Variants in CLASP1 observed in about 807,000 individuals in gnomAD.
CLASP1 encodes CLIP-associating protein 1.
CLASP1 carries 38 observed loss-of-function variants against 192.3 expected under a neutral mutation model. The observed-to-expected ratio is 0.20, with a 90% CI of 0.15 to 0.26. CLASP1 has a LOEUF of 0.26. CLASP1 is among the 10% of genes least tolerant of loss of function. The probability of loss-of-function intolerance (pLI) is 1.00; values close to 1 mark genes in which losing one functional copy is unlikely to be tolerated. For missense variants in CLASP1, 1,433 were observed against 1,932.5 expected (o/e 0.74, Z 4.85); for synonymous variants, 691 against 712.8 (o/e 0.97, Z 0.49).
At chr2:121,419,441 C>G (rs1159211475) in intron 22 of CLASP1, among the ~76,000 whole-genome samples, 1 of 152,224 alleles carries the variant, frequency 6.6e-6, no homozygotes, top group Admixed American at 6.5e-5. Flanking sequence ...CTGAAAAGAT[C>G]TGCCTGTGCT....
intron 28 of CLASP1, among the ~76,000 whole-genome samples, chr2:121,401,283 A>G (rs192071377): frequency 8.4e-4 from 128 of 152,362 alleles, no homozygotes; most frequent in Admixed American, 1.8e-3. Flanking sequence ...TTTATTATAT[A>G]TGTCTTAAAT....
At chr2:121,538,598 C>G in intron 2 of CLASP1, among the ~76,000 whole-genome samples, 1 of 151,618 alleles carries the variant, frequency 6.6e-6, no homozygotes, top group Non-Finnish European at 1.5e-5. Context: ...CCATCTTGAC[C>G]AAGATGGTGA....
chr2:121,624,474 T>C (rs2067950119), intron 1 of CLASP1, among the ~76,000 whole-genome samples: 1 of 152,170 alleles, frequency 6.6e-6, no homozygotes, highest in Admixed American at 6.5e-5. Flanking sequence ...CAGTGCACAT[T>C]TGCGTGATCT....
chr2:121,386,243 T>A (rs879795022), intron 32 of CLASP1, among the ~76,000 whole-genome samples: 1 of 152,222 alleles, frequency 6.6e-6, no homozygotes, highest in Middle Eastern at 3.2e-3. Flanking sequence ...AGCATACTTG[T>A]GGTATTTGCA....
intron 2 of CLASP1, among the ~76,000 whole-genome samples, chr2:121,556,534 C>T (rs1417294726): frequency 2.0e-5 from 3 of 152,196 alleles, no homozygotes; most frequent in Admixed American, 2.0e-4. Flanking sequence ...GCCTGCAATG[C>T]TCTTCCCCAA....
At chr2:121,456,914 A>T (rs186697551) in intron 14 of CLASP1, among the ~76,000 whole-genome samples, 1 of 152,352 alleles carries the variant, frequency 6.6e-6, no homozygotes, top group East Asian at 1.9e-4. Context: ...CTACTGGAAC[A>T]GCTTTAGTGG....
At chr2:121,518,505 C>G (rs953874706) in intron 6 of CLASP1, among the ~76,000 whole-genome samples, 1 of 152,106 alleles carries the variant, frequency 6.6e-6, no homozygotes, top group South Asian at 2.1e-4. Context: ...GCAGCCAGAG[C>G]TGACAAACAC....
rs940260896 is a variant in CLASP1 at position 121,408,938 on chromosome 2, A to AT, written c.2425-1224dup. 39 of 1,057,830 alleles carry AT rather than the reference A, an allele frequency of 3.7e-5. No homozygotes were observed. The Admixed American group carries it at 3.8e-4, about 10-fold the overall frequency. The allele number at this position is 1,057,830 out of a possible 1,614,324, so 65.5% of individuals were successfully genotyped here. The stretch of plus-strand genomic sequence containing the variant: ...TTTCAGACCAGAATTTCTATACTAC[A>AT]TTTTTTGGTTTTCACTAGCTTCTAA... On this transcript the variant is annotated intron_variant, in intron 24 of 39. Transcript: ENST00000263710.
chr2:121,499,062 C>A (rs1475127420), intron 8 of CLASP1, among the ~76,000 whole-genome samples: 1 of 152,198 alleles, frequency 6.6e-6, no homozygotes, highest in Non-Finnish European at 1.5e-5. Context: ...CCCAGCAATT[C>A]TACTGCAAGG....
At chr2:121,353,274 T>A (rs2064828584) in intron 37 of CLASP1, among the ~76,000 whole-genome samples, 2 of 152,080 alleles carry the variant, frequency 1.3e-5, no homozygotes, top group Non-Finnish European at 2.9e-5. Context: ...AGCTCCCAAG[T>A]TGCTGGGGAT....
At chr2:121,452,203 A>T (rs1004989797) in intron 14 of CLASP1, among the ~76,000 whole-genome samples, 3 of 152,210 alleles carry the variant, frequency 2.0e-5, no homozygotes, top group African/African-American at 4.8e-5. Flanking sequence ...TGCACAGAAG[A>T]TCAACAAACA....
At chr2:121,574,098 G>A (rs2060232872) in intron 2 of CLASP1, among the ~76,000 whole-genome samples, 1 of 152,138 alleles carries the variant, frequency 6.6e-6, no homozygotes, top group South Asian at 2.1e-4. Flanking sequence ...GATGGCCCGA[G>A]GCGGGCAGAT....
exon 30 of CLASP1, chr2:121,397,229 T>C: frequency 6.2e-7 from 1 of 1,613,898 alleles, no homozygotes. Flanking sequence ...ACAAAATCTG[T>C]TGGATCCATC....
At chr2:121,414,030 T>C (rs914551379) in intron 23 of CLASP1, among the ~76,000 whole-genome samples, 111 bp downstream of exon 24, 1 of 152,138 alleles carries the variant, frequency 6.6e-6, no homozygotes, top group Admixed American at 6.5e-5. Context: ...GGAAAAAATA[T>C]GAGGTGCAAA....
At chr2:121,465,656 A>T (rs2089408288) in intron 9 of CLASP1, among the ~76,000 whole-genome samples, 1 of 152,096 alleles carries the variant, frequency 6.6e-6, no homozygotes, top group Admixed American at 6.5e-5. Flanking sequence ...TCTTCACAGA[A>T]TTGGAAAAAA....
chr2:121,608,097 C>T (rs1323895759), intron 1 of CLASP1, among the ~76,000 whole-genome samples: 1 of 152,216 alleles, frequency 6.6e-6, no homozygotes, highest in Non-Finnish European at 1.5e-5. Context: ...GTCCCTCCTT[C>T]ACAACAAAGA....
chr2:121,413,114 G>A (rs971502700), intron 23 of CLASP1, among the ~76,000 whole-genome samples: 1 of 152,012 alleles, frequency 6.6e-6, no homozygotes, highest in African/African-American at 2.4e-5. Context: ...ACAAAAACTA[G>A]CTGGGTATGG....
intron 33 of CLASP1, among the ~76,000 whole-genome samples, chr2:121,381,999 C>T (rs1384659057): frequency 6.6e-6 from 1 of 152,160 alleles, no homozygotes; most frequent in East Asian, 1.9e-4. Context: ...GTCATCTGTC[C>T]CTGTGACACA....
chr2:121,375,019 G>T (rs561847807), intron 34 of CLASP1, among the ~76,000 whole-genome samples: 1 of 152,118 alleles, frequency 6.6e-6, no homozygotes, highest in African/African-American at 2.4e-5. Flanking sequence ...GAGGGGCCGG[G>T]GGTAGAATGA....
Sources: gnomAD v4.1 joint callset for allele counts (sites outside exome capture counted in the v4.1 genomes callset) on GRCh38, gnomAD v4.1.1 for gene constraint, MANE v1.5 for transcripts, NCBI Gene and HGNC (gene_info 2026-07-23, HGNC 2026-07-21) for gene names.